Variants in SLC2A9 observed in about 807,000 individuals in gnomAD.
The protein encoded by SLC2A9 is solute carrier family 2 member 9.
In SLC2A9, 39 loss-of-function variants were observed where a neutral mutation model predicts 50.6. The observed-to-expected ratio is 0.77, with a 90% CI of 0.60 to 1.01. The LOEUF (loss-of-function observed/expected upper bound fraction) is 1.01, where lower values mean the gene tolerates loss of function less well. SLC2A9 is among the 50% of genes least tolerant of loss of function. The pLI is 0.00. For synonymous variants in SLC2A9, 324 were observed against 276.9 expected (o/e 1.17, Z -1.69); for missense variants, 686 against 677.6 (o/e 1.01, Z -0.14).
intron 5 of SLC2A9, among the ~76,000 whole-genome samples, chr4:9,954,791 T>A (rs1029613381): frequency 1.3e-5 from 2 of 152,086 alleles, no homozygotes; most frequent in East Asian, 3.9e-4. Flanking sequence ...CCACCAGGAA[T>A]GTCAGGTGGC....
chr4:9,816,916 A>C (rs1326996742), intron 3 of SLC2A9, among the ~76,000 whole-genome samples: 2 of 152,226 alleles, frequency 1.3e-5, no homozygotes, highest in Non-Finnish European at 2.9e-5. Context: ...AAATCCTAAA[A>C]TCAAAGTGTT....
chr4:9,917,139 A>C (rs1212280838), intron 7 of SLC2A9, among the ~76,000 whole-genome samples: 2 of 152,174 alleles, frequency 1.3e-5, no homozygotes, highest in African/African-American at 4.8e-5. Context: ...TGCTGAGGAC[A>C]AACTGCTCGA....
chr4:9,774,504 G>A (rs915726278), intron 1 of SLC2A9, among the ~76,000 whole-genome samples: 2 of 152,092 alleles, frequency 1.3e-5, no homozygotes, highest in African/African-American at 4.8e-5. Context: ...TTGCCATGCT[G>A]CCCACCAAAC....
At chr4:9,917,554 C>T (rs1246946489) in intron 7 of SLC2A9, among the ~76,000 whole-genome samples, 2 of 151,266 alleles carry the variant, frequency 1.3e-5, no homozygotes, top group Admixed American at 6.6e-5. Context: ...TGGTCTCAAA[C>T]TCCTGACCTC....
chr4:9,828,464 C>T (rs1406683457), intron 11 of SLC2A9, among the ~76,000 whole-genome samples: 1 of 152,302 alleles, frequency 6.6e-6, no homozygotes, highest in African/African-American at 2.4e-5. Flanking sequence ...TCCTAAGTCA[C>T]CTGCAGGAAA....
At chr4:10,014,675 G>A (rs1578344231) in intron 2 of SLC2A9, among the ~76,000 whole-genome samples, 2 of 152,190 alleles carry the variant, frequency 1.3e-5, no homozygotes, top group African/African-American at 4.8e-5. Context: ...TCCTTCAGCT[G>A]TCCTGTGGCT....
intron 2 of SLC2A9, among the ~76,000 whole-genome samples, chr4:10,001,123 T>C (rs1353147978): frequency 6.6e-6 from 1 of 152,170 alleles, no homozygotes; most frequent in Non-Finnish European, 1.5e-5. Context: ...GTGTCCTTTA[T>C]AGAAAGAGGA....
intron 1 of SLC2A9, among the ~76,000 whole-genome samples, chr4:10,037,782 C>G (rs1330588781): frequency 6.6e-6 from 1 of 151,910 alleles, no homozygotes; most frequent in Non-Finnish European, 1.5e-5. Flanking sequence ...AACCCTGTCT[C>G]CACTAAAAAC....
chr4:10,008,364 C>T (rs1456763797), intron 2 of SLC2A9, among the ~76,000 whole-genome samples: 3 of 152,232 alleles, frequency 2.0e-5, no homozygotes, highest in African/African-American at 7.2e-5. Context: ...TCCCTGGGCC[C>T]TCATCAGTCA....
chr4:9,867,911 C>T (rs1321087936), intron 10 of SLC2A9, among the ~76,000 whole-genome samples: 1 of 152,218 alleles, frequency 6.6e-6, no homozygotes, highest in Non-Finnish European at 1.5e-5. Flanking sequence ...ATGCAACTCA[C>T]ATGCGTGCCC....
At chr4:9,879,815 G>A in intron 10 of SLC2A9, 1 of 985,426 alleles carries the variant, frequency 1.0e-6, no homozygotes, top group South Asian at 4.7e-5. Context: ...TTTAAAAGGT[G>A]AAGCTCTTTT....
At chr4:9,774,716 C>T (rs540492655) in intron 1 of SLC2A9, among the ~76,000 whole-genome samples, 12 of 151,840 alleles carry the variant, frequency 7.9e-5, no homozygotes, top group African/African-American at 2.7e-4. Context: ...CTCTCCTCTT[C>T]CTCTCCTCCT....
chr4:9,961,950 G>C (rs1447825843), intron 5 of SLC2A9, among the ~76,000 whole-genome samples: 1 of 152,112 alleles, frequency 6.6e-6, no homozygotes, highest in East Asian at 1.9e-4. Context: ...ATGTGGTCAA[G>C]AAACATATGA....
chr4:9,997,110 CAGA>C (rs1463903379), intron 2 of SLC2A9, among the ~76,000 whole-genome samples, 169 bp from the exon 3 acceptor site: 3 of 152,182 alleles, frequency 2.0e-5, no homozygotes, highest in African/African-American at 7.2e-5. Context: ...TTGGGAAGAG[CAGA>C]AGATGTTAAT....
intron 5 of SLC2A9, among the ~76,000 whole-genome samples, chr4:9,967,050 C>T (rs1753158800): frequency 6.6e-6 from 1 of 152,184 alleles, no homozygotes; most frequent in Non-Finnish European, 1.5e-5. Context: ...TGCTTATTCT[C>T]TTGTGGGAAC....
intron 3 of SLC2A9, among the ~76,000 whole-genome samples, chr4:9,986,589 C>T (rs549666711): frequency 9.5e-4 from 144 of 152,100 alleles, no homozygotes; most frequent in Non-Finnish European, 1.7e-3. Flanking sequence ...TTGTTGGCTC[C>T]TTCCCTCCCT....
At chr4:9,973,397 C>G (rs1207793804) in intron 5 of SLC2A9, among the ~76,000 whole-genome samples, 2 of 152,174 alleles carry the variant, frequency 1.3e-5, no homozygotes, top group Non-Finnish European at 2.9e-5. Flanking sequence ...CCTGCTGAAA[C>G]TATTCCAAAA....
chr4:9,882,364 T>A (rs1437192227), intron 10 of SLC2A9, among the ~76,000 whole-genome samples: 1 of 152,120 alleles, frequency 6.6e-6, no homozygotes, highest in Non-Finnish European at 1.5e-5. Flanking sequence ...AGAGCTGAGG[T>A]TCTAGGACAA....
chr4:9,915,944 T>A (rs926064825), intron 7 of SLC2A9, among the ~76,000 whole-genome samples: 4 of 152,208 alleles, frequency 2.6e-5, no homozygotes, highest in Non-Finnish European at 4.4e-5. Flanking sequence ...GAACTCCTAA[T>A]GATGGTTCAA....
Sources: gnomAD v4.1 joint callset for allele counts (sites outside exome capture counted in the v4.1 genomes callset) on GRCh38, gnomAD v4.1.1 for gene constraint, MANE v1.5 for transcripts, NCBI Gene and HGNC (gene_info 2026-07-23, HGNC 2026-07-21) for gene names.